RNF175: variants seen among roughly 807,000 people sequenced by gnomAD.
RNF175 encodes ring finger protein 175.
RNF175 carries 38 observed loss-of-function variants against 50.0 expected under a neutral mutation model. The observed-to-expected ratio is 0.76, with a 90% CI of 0.59 to 1.00. The LOEUF is 1.00. Among genes scored for constraint, RNF175 ranks in the 50% least tolerant of loss-of-function variants. RNF175 has a pLI of 0.00. For missense variants in RNF175, 388 were observed against 409.6 expected (o/e 0.95, Z 0.46); for synonymous variants, 155 against 146.1 (o/e 1.06, Z -0.44).
Position 153,718,222 on chromosome 4 carries a change from G to GTTTTTTT in RNF175, c.630+1961_630+1962insAAAAAAA, listed in dbSNP as rs1460898288. Among the ~76,000 whole-genome samples the GTTTTTTT allele has an allele frequency of 4.5e-3, 170 of 37,526 alleles. 49 individuals carry two copies. The highest frequency in any genetic ancestry group is 6.0e-3 in the African/African-American group (98 of 16,272). The allele number at this position is 37,526 out of a possible 152,430, so 24.6% of individuals were successfully genotyped here. ...CTTTCCTAAGGAGTTTTTTTTGTTT[G>GTTTTTTT]TTTGTTTGTTTGTTTGTTTTTTTTT... On this transcript the variant is annotated intron_variant, in intron 6 of 8. Transcript: ENST00000347063.
At chr4:153,720,765 C>T (rs1258563434) in intron 5 of RNF175, 1 of 155,878 alleles carries the variant, frequency 6.4e-6, no homozygotes, top group Non-Finnish European at 1.4e-5. Flanking sequence ...ATGGGCCCAC[C>T]ACCAAGGACT....
intron 4 of RNF175, among the ~76,000 whole-genome samples, chr4:153,727,372 A>G (rs1199602702): frequency 4.2e-4 from 64 of 152,124 alleles, no homozygotes; most frequent in Admixed American, 4.2e-3. Context: ...TTTTATCATC[A>G]CATTTATTTA....
chr4:153,739,846 G>A (rs1349087920), intron 3 of RNF175, among the ~76,000 whole-genome samples: 1 of 151,898 alleles, frequency 6.6e-6, no homozygotes, highest in East Asian at 1.9e-4. Context: ...TACCCTACTT[G>A]GTGTTCTCTG....
At chr4:153,739,520 G>A (rs2127143182) in intron 3 of RNF175, among the ~76,000 whole-genome samples, 1 of 152,008 alleles carries the variant, frequency 6.6e-6, no homozygotes, top group East Asian at 1.9e-4. Context: ...TGAGTTTCTG[G>A]CCTAAATCAC....
chr4:153,739,240 G>T (rs1404178681), intron 3 of RNF175, among the ~76,000 whole-genome samples: 1 of 152,114 alleles, frequency 6.6e-6, no homozygotes, highest in African/African-American at 2.4e-5. Flanking sequence ...GACCAACATG[G>T]TGAAACCTCG....
chr4:153,748,751 C>T lies in RNF175; in HGVS notation c.140G>A (p.Gly47Asp), dbSNP rs746918412. ...QQERMYKMHR[G>D]HDSMHVEMIL... ...CATTTCCACGTGCATGGAATCGTGG[C>T]CCCGGTGCATCTTGTACATCCTCTC... is the stretch of plus-strand genomic sequence containing the variant. Residue 47 changes from glycine (G) to aspartate (D), a missense_variant, in exon 3 of 9, where the codon GGC becomes GAC. Coordinates refer to ENST00000347063, the MANE Select transcript of RNF175 (RefSeq NM_173662.4). The T allele has an allele frequency of 6.2e-7, 1 of 1,611,872 alleles. No homozygotes were observed. Among genetic ancestry groups the T allele is most frequent in the South Asian group, 1.1e-5 (1 of 90,444 alleles).
chr4:153,749,556 G>A (rs554595472), intron 2 of RNF175, among the ~76,000 whole-genome samples: 155 of 152,306 alleles, frequency 1.0e-3, no homozygotes, highest in Non-Finnish European at 1.9e-3. Flanking sequence ...ACATTCCCAT[G>A]ATGGCTGAAT....
intron 6 of RNF175, among the ~76,000 whole-genome samples, chr4:153,718,360 A>T (rs1738117476): frequency 6.6e-6 from 1 of 151,634 alleles, no homozygotes; most frequent in African/African-American, 2.4e-5. Flanking sequence ...CCTCAGTCAC[A>T]AGCACATGCA....
chr4:153,719,554 T>G (rs1228008435), intron 6 of RNF175, among the ~76,000 whole-genome samples: 1 of 152,186 alleles, frequency 6.6e-6, no homozygotes, highest in Non-Finnish European at 1.5e-5. Context: ...GAATCAGGAA[T>G]ACATCTAACT....
At chr4:153,744,860 T>C (rs1397115212) in intron 3 of RNF175, among the ~76,000 whole-genome samples, 3 of 152,200 alleles carry the variant, frequency 2.0e-5, no homozygotes, top group Non-Finnish European at 4.4e-5. Context: ...AACGGTGACA[T>C]GGCAGAAAAT....
intron 3 of RNF175, among the ~76,000 whole-genome samples, chr4:153,745,095 T>C (rs1258224311): frequency 1.3e-5 from 2 of 152,230 alleles, no homozygotes. Context: ...ATAATGGCCA[T>C]TCCAAGACCC....
chr4:153,751,497 C>A, intron 1 of RNF175, 22 bp from the exon 2 acceptor site: 1 of 1,543,286 alleles, frequency 6.5e-7, no homozygotes, highest in Non-Finnish European at 8.8e-7. Flanking sequence ...AAAAAGGGCC[C>A]TTATCAAAAA....
rs574742225 is a variant in RNF175, at chr4:153,739,292, G to C, written c.246+9353C>G. ...AAAAATTAGCTGGGTGTTGGGGCAG[G>C]CACCTGTAATCCCAGCTACTCGGGA... On this transcript the variant is annotated intron_variant, in intron 3 of 8. Transcript: ENST00000347063. 6.6e-5 allele frequency among the ~76,000 whole-genome samples: 10 copies of C among 152,122 alleles called. 1 individual carries two copies. The South Asian group carries it at 1.7e-3, about 25-fold the overall frequency.
At chr4:153,755,663 C>G (rs1740525782) in intron 1 of RNF175, among the ~76,000 whole-genome samples, 1 of 117,320 alleles carries the variant, frequency 8.5e-6, no homozygotes, top group Non-Finnish European at 2.0e-5. Flanking sequence ...ACATCCCCCA[C>G]CCCCGCAAAA....
intron 3 of RNF175, among the ~76,000 whole-genome samples, chr4:153,742,275 A>T (rs1300130424): frequency 6.6e-6 from 1 of 150,732 alleles, no homozygotes; most frequent in Non-Finnish European, 1.5e-5. Context: ...TCTGTTCCAA[A>T]AAAAAAAAAA....
At chr4:153,730,302 G>C (rs1435610524) in intron 3 of RNF175, among the ~76,000 whole-genome samples, 3 of 152,060 alleles carry the variant, frequency 2.0e-5, no homozygotes. Context: ...CAGACGTGGT[G>C]GTATGTGCCT....
At chr4:153,758,678 T>G (rs949558553) in intron 1 of RNF175, among the ~76,000 whole-genome samples, 2 of 152,142 alleles carry the variant, frequency 1.3e-5, no homozygotes, top group African/African-American at 4.8e-5. Context: ...CCCACCCTTA[T>G]TTTTTGCTAT....
At chr4:153,713,164 G>A (rs1362052873) in intron 7 of RNF175, 1 of 151,990 alleles carries the variant, frequency 6.6e-6, no homozygotes, top group Non-Finnish European at 1.5e-5. Flanking sequence ...TCAAACTCTA[G>A]GCATTTACAG....
intron 1 of RNF175, among the ~76,000 whole-genome samples, chr4:153,753,899 G>A (rs1442850324): frequency 2.0e-5 from 3 of 151,448 alleles, no homozygotes; most frequent in African/African-American, 4.8e-5. Flanking sequence ...GGCTGGGCGT[G>A]GTGGCTCACA....
Sources: allele counts gnomAD v4.1 joint callset (sites outside exome capture counted in the v4.1 genomes callset), GRCh38; gene constraint gnomAD v4.1.1; transcripts MANE v1.5; gene names NCBI Gene and HGNC (gene_info 2026-07-23, HGNC 2026-07-21).